CCDC85C: variants seen among roughly 807,000 people sequenced by gnomAD.
CCDC85C encodes the protein coiled-coil domain containing 85C.
Under a neutral mutation model 38.3 loss-of-function variants are expected in CCDC85C, and 18 were observed. The observed-to-expected ratio is 0.47, with a 90% CI of 0.33 to 0.70. The LOEUF (loss-of-function observed/expected upper bound fraction) is 0.70. Ranked by LOEUF, CCDC85C falls within the 30% of genes least tolerant of loss-of-function variation. The pLI is 0.03. For synonymous variants in CCDC85C, 264 were observed against 293.8 expected (o/e 0.90, Z 1.04); for missense variants, 566 against 621.2 (o/e 0.91, Z 0.94).
intron 1 of CCDC85C, among the ~76,000 whole-genome samples, chr14:99,592,115 A>C (rs1186272586): frequency 3.3e-5 from 5 of 152,228 alleles, no homozygotes; most frequent in Admixed American, 3.3e-4. Context: ...TCCCAGCGGA[A>C]TTCCCTTTAT....
In CCDC85C at chr14:99,604,192, G is replaced by GC. The variant is rs1210285303; in HGVS notation, c.-234dup. ...GCTGCGTCGGCGGCCGCGGTGCCGGGCGCTCTCAGGGTTCTGGAGAAGCAG... is the reference window on the plus strand; with the variant it reads ...GCTGCGTCGGCGGCCGCGGTGCCGGGCCGCTCTCAGGGTTCTGGAGAAGCAG... On this transcript the variant is annotated 5_prime_UTR_variant, in exon 1 of 6. Transcript: ENST00000380243. Among the ~76,000 whole-genome samples the GC allele has an allele frequency of 6.7e-6, 1 of 148,302 alleles. No individual in the cohort carries two copies. The highest frequency in any genetic ancestry group is 6.7e-5 in the Admixed American group (1 of 14,934).
chr14:99,577,253 G>T (rs777696389), intron 1 of CCDC85C, among the ~76,000 whole-genome samples: 4 of 151,688 alleles, frequency 2.6e-5, no homozygotes, highest in Non-Finnish European at 5.9e-5. Flanking sequence ...AGAACCGACT[G>T]CAGGCCACTA....
At chr14:99,522,463 T>C in intron 2 of CCDC85C, 1 of 448,566 alleles carries the variant, frequency 2.2e-6, no homozygotes, top group Middle Eastern at 6.0e-4. Context: ...ACGTGGGCTT[T>C]GTAAACATTT....
intron 1 of CCDC85C, among the ~76,000 whole-genome samples, chr14:99,560,007 T>TAA (rs3070369): frequency 7.0e-4 from 103 of 146,854 alleles, no homozygotes; most frequent in South Asian, 8.7e-4. Flanking sequence ...CCTTTGAAAT[T>TAA]AAAAAAAAAA....
rs1201332398 is a variant in CCDC85C at position 99,572,549 on chromosome 14, C to T, written c.793+30618G>A. Among the ~76,000 whole-genome samples the T allele has an allele frequency of 6.6e-6, 1 of 152,184 alleles. No individual in the cohort carries two copies. The highest frequency in any genetic ancestry group is 1.5e-5 in the Non-Finnish European group (1 of 68,024). On this transcript the variant is annotated intron_variant, in intron 1 of 5. Transcript: ENST00000380243. This position sits in a 1 kb window ranked among gnomAD's most constrained non-coding sequence, Gnocchi z 4.4. ...CCTCCTACCCTGCCCCCTTCGGTCA[C>T]CAGAGTCCAGCCACAGGGCCTGGTC...
chr14:99,565,697 A>G (rs1344241210), intron 1 of CCDC85C, among the ~76,000 whole-genome samples: 1 of 152,132 alleles, frequency 6.6e-6, no homozygotes, highest in Non-Finnish European at 1.5e-5. Flanking sequence ...CCGGGAGGAC[A>G]CCGGCCCCCA....
In CCDC85C at chr14:99,516,498, G is replaced by A. The variant is rs1897227737; in HGVS notation, c.1072-212C>T. Among the ~76,000 whole-genome samples the A allele has an allele frequency of 6.6e-6, 1 of 152,184 alleles. No individual in the cohort carries two copies. The highest frequency in any genetic ancestry group is 6.5e-5 in the Admixed American group (1 of 15,290). ...ATGCCCTACAAGGGAAGCAGCTCAT[G>A]GCTGGGCCACCCGGGAGGAAGTAGA... is the stretch of plus-strand genomic sequence containing the variant. On this transcript the variant is annotated intron_variant, in intron 4 of 5. Transcript: ENST00000380243. This position sits in a 1 kb window ranked among gnomAD's most constrained non-coding sequence, Gnocchi z 5.5.
Position 99,516,080 on chromosome 14 carries a change from G to C in CCDC85C, c.1170+108C>G, listed in dbSNP as rs1351147796. 8 of 885,596 alleles carry C rather than the reference G, an allele frequency of 9.0e-6. No homozygotes were observed. Among genetic ancestry groups the C allele is most frequent in the Non-Finnish European group, 1.4e-5 (8 of 555,868 alleles). The allele number at this position is 885,596 out of a possible 1,614,324, so 54.9% of individuals were successfully genotyped here. On this transcript the variant is annotated intron_variant, in intron 5 of 5. Coordinates refer to ENST00000380243, the MANE Select transcript of CCDC85C (RefSeq NM_001144995.2). The surrounding 1 kb of genome is among the most constrained non-coding windows in gnomAD (Gnocchi z 5.5). ...TATCCAAGGTCACCCAGCCTTCGCTGAGCATTCGAGAAATGGAGTCCCACA... is the reference window on the plus strand; with the variant it reads ...TATCCAAGGTCACCCAGCCTTCGCTCAGCATTCGAGAAATGGAGTCCCACA...
At chr14:99,536,263 G>A (rs1412113952) in intron 1 of CCDC85C, among the ~76,000 whole-genome samples, 175 bp from the exon 2 acceptor site, 4 of 152,178 alleles carry the variant, frequency 2.6e-5, no homozygotes, top group African/African-American at 2.4e-5. Flanking sequence ...GAAACAGCAC[G>A]GCCTGTGGCC....
chr14:99,571,745 G>A (rs1898349045), intron 1 of CCDC85C, among the ~76,000 whole-genome samples: 1 of 152,232 alleles, frequency 6.6e-6, no homozygotes, highest in Non-Finnish European at 1.5e-5. Context: ...TTTGTGGCCT[G>A]TCCGGGCCTT....
chr14:99,522,011 G>A, intron 3 of CCDC85C, 122 bp downstream of exon 3: 1 of 723,916 alleles, frequency 1.4e-6, no homozygotes, highest in Admixed American at 2.3e-5. Context: ...CGGACACAGG[G>A]CCTAGGGCTG....
Position 99,502,934 on chromosome 14 carries a change from A to G in CCDC85C, c.*12312T>C, listed in dbSNP as rs1346574897. 2 of 1,613,854 alleles carry G rather than the reference A, an allele frequency of 1.2e-6. No homozygotes were observed. The highest frequency in any genetic ancestry group is 8.5e-7 in the Non-Finnish European group (1 of 1,179,852). Reference sequence around the variant, plus strand: ...GCAGCAGCAGCCAGCCCAACAGCCCAAGAAACCCTCTCCGCAGCCCAGTTC... The same window carrying G: ...GCAGCAGCAGCCAGCCCAACAGCCCGAGAAACCCTCTCCGCAGCCCAGTTC... On this transcript the variant is annotated 3_prime_UTR_variant, in exon 6 of 6. Coordinates refer to ENST00000380243, the MANE Select transcript of CCDC85C (RefSeq NM_001144995.2).
At chr14:99,550,487 G>A (rs1442155981) in intron 1 of CCDC85C, among the ~76,000 whole-genome samples, 1 of 152,172 alleles carries the variant, frequency 6.6e-6, no homozygotes, top group Admixed American at 6.5e-5. Context: ...GAATAAATGT[G>A]TGTTGTTTAG....
intron 2 of CCDC85C, among the ~76,000 whole-genome samples, chr14:99,524,601 C>T (rs1897349038): frequency 6.6e-6 from 1 of 152,212 alleles, no homozygotes; most frequent in Admixed American, 6.5e-5. Flanking sequence ...AACACACAAT[C>T]TCTCATTAAG....
intron 1 of CCDC85C, among the ~76,000 whole-genome samples, chr14:99,563,017 C>T (rs767647287): frequency 2.0e-5 from 3 of 152,192 alleles, no homozygotes; most frequent in Non-Finnish European, 4.4e-5. Flanking sequence ...CACTTACTCT[C>T]GAGCCGTCTA....
Position 99,501,534 on chromosome 14 carries a change from G to C in CCDC85C, c.*13712C>G. Reference sequence around the variant, plus strand: ...AAACTGACTTGCCCTGGCTTGAGGAGCCAGTTAATGGCAAAGCTGGGGCTG... The same window carrying C: ...AAACTGACTTGCCCTGGCTTGAGGACCCAGTTAATGGCAAAGCTGGGGCTG... On this transcript the variant is annotated 3_prime_UTR_variant, in exon 6 of 6. Coordinates refer to ENST00000380243, the MANE Select transcript of CCDC85C (RefSeq NM_001144995.2). 1 of 696,528 alleles carries C rather than the reference G, an allele frequency of 1.4e-6. No homozygotes were observed. Among genetic ancestry groups the C allele is most frequent in the Non-Finnish European group, 2.4e-6 (1 of 408,330 alleles). The allele number at this position is 696,528 out of a possible 1,614,324, so 43.1% of individuals were successfully genotyped here.
rs942299949 is a variant in CCDC85C at position 99,604,183 on chromosome 14, C to T, written c.-224G>A. On this transcript the variant is annotated 5_prime_UTR_variant, in exon 1 of 6. Coordinates refer to ENST00000380243, the MANE Select transcript of CCDC85C (RefSeq NM_001144995.2). Reference sequence around the variant, plus strand: ...GAGGCGGCTGCTGCGTCGGCGGCCGCGGTGCCGGGCGCTCTCAGGGTTCTG... The same window carrying T: ...GAGGCGGCTGCTGCGTCGGCGGCCGTGGTGCCGGGCGCTCTCAGGGTTCTG... Among the ~76,000 whole-genome samples, 42 of 148,242 alleles carry T rather than the reference C, an allele frequency of 2.8e-4. No individual in the cohort carries two copies. The highest frequency in any genetic ancestry group is 3.4e-3 in the Middle Eastern group (1 of 292).
At position 99,602,056 on chromosome 14, in the gene CCDC85C, G is replaced by A. The variant is rs535432054; in HGVS notation, c.793+1111C>T. Among the ~76,000 whole-genome samples the A allele has an allele frequency of 2.1e-4, 32 of 152,312 alleles. No individual in the cohort carries two copies. In the South Asian group the frequency reaches 6.4e-3, roughly 31 times the overall value. On this transcript the variant is annotated intron_variant, in intron 1 of 5. Coordinates refer to ENST00000380243, the MANE Select transcript of CCDC85C (RefSeq NM_001144995.2). ...GACACACTTTCTCTGAATTAGGAAA[G>A]GCTTTAAAGGGAACCAGAAAGAGCT...
intron 2 of CCDC85C, among the ~76,000 whole-genome samples, chr14:99,524,927 G>A (rs1247291672): frequency 6.6e-6 from 1 of 152,206 alleles, no homozygotes; most frequent in African/African-American, 2.4e-5. Flanking sequence ...TACACACAGA[G>A]CTGCCAGCTC....
Sources: allele counts gnomAD v4.1 joint callset (sites outside exome capture counted in the v4.1 genomes callset), GRCh38; gene constraint gnomAD v4.1.1; non-coding constraint Gnocchi (gnomAD v3.1); transcripts MANE v1.5; gene names NCBI Gene and HGNC (gene_info 2026-07-23, HGNC 2026-07-21).